RYR2: variants seen among roughly 807,000 people sequenced by gnomAD.
The protein encoded by RYR2 is ryanodine receptor 2, also known as cardiac muscle ryanodine receptor-calcium release channel.
RYR2 carries 227 observed loss-of-function variants against 601.1 expected under a neutral mutation model. That is an observed-to-expected ratio of 0.38 (90% CI 0.34 to 0.42). The LOEUF (loss-of-function observed/expected upper bound fraction) is 0.42, where lower values mean the gene tolerates loss of function less well. Among genes scored for constraint, RYR2 ranks in the 10% least tolerant of loss-of-function variants. The pLI is 1.00. For missense variants in RYR2, 4,646 were observed against 6,156.5 expected (o/e 0.75, Z 8.21); for synonymous variants, 2,223 against 2,175.1 (o/e 1.02, Z -0.61).
intron 19 of RYR2, among the ~76,000 whole-genome samples, chr1:237,494,920 A>G (rs941058463): frequency 2.8e-4 from 43 of 152,108 alleles, no homozygotes; most frequent in Non-Finnish European, 5.9e-4. Flanking sequence ...CCTCCTGAGT[A>G]GCTGGGATTA....
At chr1:237,651,328 G>A in intron 50 of RYR2, 83 bp from the exon 51 acceptor site, 1 of 945,402 alleles carries the variant, frequency 1.1e-6, no homozygotes. Flanking sequence ...CAGGTCCTTG[G>A]CTGATATAAT....
At chr1:237,580,109 C>G (rs1272242467) in intron 29 of RYR2, among the ~76,000 whole-genome samples, 1 of 149,936 alleles carries the variant, frequency 6.7e-6, no homozygotes, top group Non-Finnish European at 1.5e-5. Context: ...ACATCTCACT[C>G]TGCTTCTGCT....
At chr1:237,077,877 T>TA (rs1665192134) in intron 1 of RYR2, among the ~76,000 whole-genome samples, 1 of 131,672 alleles carries the variant, frequency 7.6e-6, no homozygotes, top group African/African-American at 2.6e-5. Flanking sequence ...TAGTTGGAAG[T>TA]AAAGCTCTCC....
In RYR2 at chr1:237,732,057, T is replaced by C; in HGVS notation, c.10947T>C (p.Ala3649=). 1.9e-6 allele frequency: 3 copies of C among 1,602,882 alleles called. No individual in the cohort carries two copies. The highest frequency in any genetic ancestry group is 2.6e-6 in the Non-Finnish European group (3 of 1,173,706). The change falls in exon 78 of 105, where the codon GCT becomes GCC. Residue 3649 remains alanine, a synonymous_variant. Transcript: ENST00000366574. The part of the protein sequence containing the change: ...KLIEDLAKPG[A]EPPEEDEGTK... The stretch of plus-strand genomic sequence containing the variant: ...TGACTTTTTTGCAGAAACCTGGGGC[T>C]GAACCTCCAGAAGAAGATGAAGGCA...
At chr1:237,733,223 G>C (rs965294904) in intron 78 of RYR2, among the ~76,000 whole-genome samples, 2 of 152,120 alleles carry the variant, frequency 1.3e-5, no homozygotes, top group Admixed American at 6.6e-5. Flanking sequence ...TGGTTTCCAT[G>C]CTTCTCAAAA....
At chr1:237,325,679 C>T (rs1696098330) in intron 2 of RYR2, among the ~76,000 whole-genome samples, 2 of 151,790 alleles carry the variant, frequency 1.3e-5, no homozygotes, top group African/African-American at 2.4e-5. Context: ...CAGGGCCAGA[C>T]TCTGTCTCAA....
chr1:237,478,919 T>A (rs1051441018), intron 17 of RYR2, among the ~76,000 whole-genome samples: 1 of 152,178 alleles, frequency 6.6e-6, no homozygotes, highest in African/African-American at 2.4e-5. Flanking sequence ...GTTATTTGAA[T>A]GTGATGAAGA....
Position 237,631,505 on chromosome 1 carries a change from G to A in RYR2, c.6519G>A (p.Glu2173=), listed in dbSNP as rs368920731. The A allele has an allele frequency of 1.1e-5, 18 of 1,612,772 alleles. No individual in the cohort carries two copies. Among genetic ancestry groups the A allele is most frequent in the Non-Finnish European group, 1.4e-5 (17 of 1,179,380 alleles). ...TGGGGATGCACGAGACTGTGATGGA[G>A]GTCATGGTGAACGTCCTTGGAGGTG... ...RALGMHETVM[E]VMVNVLGGGE... The change falls in exon 42 of 105, where the codon GAG becomes GAA. Residue 2173 remains glutamate, a synonymous_variant. Coordinates refer to ENST00000366574, the MANE Select transcript of RYR2 (RefSeq NM_001035.3).
At chr1:237,372,454 A>G (rs1469589595) in intron 6 of RYR2, among the ~76,000 whole-genome samples, 3 of 152,248 alleles carry the variant, frequency 2.0e-5, no homozygotes, top group African/African-American at 7.2e-5. Context: ...AACTAAAATA[A>G]GAATATGTTT....
At chr1:237,684,291 G>A (rs570422441) in intron 62 of RYR2, among the ~76,000 whole-genome samples, 1 of 152,034 alleles carries the variant, frequency 6.6e-6, no homozygotes, top group Admixed American at 6.6e-5. Flanking sequence ...GAGGCCTGAA[G>A]ATAAACACAC....
chr1:237,181,567 T>C lies in RYR2; in HGVS notation c.49-88930T>C, dbSNP rs150696708. ...TGTTTTTGATGCTGTGACAGAGATG[T>C]TTTTGATGCTGGGGACAGCTGAGAC... On this transcript the variant is annotated intron_variant, in intron 1 of 104. Transcript: ENST00000366574. Among the ~76,000 whole-genome samples, 909 of 152,186 alleles carry C rather than the reference T, an allele frequency of 6.0e-3. 9 individuals are homozygous for C. Among genetic ancestry groups the C allele is most frequent in the South Asian group, 0.033 (159 of 4,824 alleles).
At chr1:237,214,870 G>A (rs1682996246) in intron 1 of RYR2, among the ~76,000 whole-genome samples, 1 of 152,084 alleles carries the variant, frequency 6.6e-6, no homozygotes, top group African/African-American at 2.4e-5. Context: ...AAATGTACTT[G>A]GAATTAGATT....
chr1:237,237,594 A>G (rs1685676955), intron 1 of RYR2, among the ~76,000 whole-genome samples: 1 of 152,210 alleles, frequency 6.6e-6, no homozygotes, highest in African/African-American at 2.4e-5. Flanking sequence ...ACCTGACTCT[A>G]GTATAGCATC....
intron 94 of RYR2, among the ~76,000 whole-genome samples, 192 bp from the exon 95 acceptor site, chr1:237,793,675 T>C (rs751385371): frequency 3.9e-5 from 6 of 152,210 alleles, no homozygotes; most frequent in Non-Finnish European, 7.3e-5. Context: ...ATCTATTCTA[T>C]CTTCTGTTTT....
intron 63 of RYR2, among the ~76,000 whole-genome samples, chr1:237,693,524 T>C (rs1331643983): frequency 2.6e-5 from 4 of 152,338 alleles, no homozygotes; most frequent in East Asian, 1.9e-4. Flanking sequence ...GAATACCTGA[T>C]GTTATTACAA....
intron 87 of RYR2, among the ~76,000 whole-genome samples, chr1:237,775,377 G>T (rs1454292511): frequency 1.3e-5 from 2 of 152,010 alleles, no homozygotes; most frequent in South Asian, 4.1e-4. Flanking sequence ...CACGTTATTT[G>T]TTTTTTAAAA....
chr1:237,697,034 G>C (rs1162174481), intron 63 of RYR2, among the ~76,000 whole-genome samples: 1 of 151,954 alleles, frequency 6.6e-6, no homozygotes, highest in Non-Finnish European at 1.5e-5. Flanking sequence ...CCAAGGGCTT[G>C]CTCTAACCAA....
chr1:237,809,974 G>A (rs1426235036), intron 100 of RYR2, among the ~76,000 whole-genome samples: 1 of 151,282 alleles, frequency 6.6e-6, no homozygotes, highest in African/African-American at 2.4e-5. Context: ...GGGGGGAAAT[G>A]ATAAAAATGG....
chr1:237,550,134 T>G (rs1229581596), intron 26 of RYR2, among the ~76,000 whole-genome samples: 2 of 152,166 alleles, frequency 1.3e-5, no homozygotes, highest in Non-Finnish European at 2.9e-5. Context: ...AAAGCAGCCT[T>G]AAGTTCTTCA....
Sources: gnomAD v4.1 joint callset for allele counts (sites outside exome capture counted in the v4.1 genomes callset) on GRCh38, gnomAD v4.1.1 for gene constraint, MANE v1.5 for transcripts, NCBI Gene and HGNC (gene_info 2026-07-23, HGNC 2026-07-21) for gene names.